CNTNAP4: variants seen among roughly 807,000 people sequenced by gnomAD.
CNTNAP4 encodes the protein contactin-associated protein-like 4.
In CNTNAP4, 98 loss-of-function variants were observed where a neutral mutation model predicts 148.4. The observed-to-expected ratio is 0.66, with a 90% CI of 0.56 to 0.78. The LOEUF is 0.78. Ranked by LOEUF, CNTNAP4 falls within the 30% of genes least tolerant of loss-of-function variation. The probability of loss-of-function intolerance (pLI) is 0.00; values close to 1 mark genes in which losing one functional copy is unlikely to be tolerated. For missense variants in CNTNAP4, 1,935 were observed against 1,565.6 expected (o/e 1.24, Z -3.98); for synonymous variants, 730 against 565.1 (o/e 1.29, Z -4.14).
chr16:76,401,548 G>T (rs1290559283), intron 3 of CNTNAP4, among the ~76,000 whole-genome samples: 1 of 152,002 alleles, frequency 6.6e-6, no homozygotes, highest in Non-Finnish European at 1.5e-5. Flanking sequence ...TCTTTCTCTT[G>T]CCTGATTGCT....
rs35605025 is a variant in CNTNAP4 at position 76,533,677 on chromosome 16, TA to T, written c.2756-1858del. Among the ~76,000 whole-genome samples, 1,333 of 150,354 alleles carry T rather than the reference TA, an allele frequency of 8.9e-3. 16 individuals carry two copies. Among genetic ancestry groups the T allele is most frequent in the African/African-American group, 0.03 (1,218 of 41,004 alleles). On this transcript the variant is annotated intron_variant, in intron 17 of 23. Coordinates refer to ENST00000611870, the MANE Select transcript of CNTNAP4 (RefSeq NM_033401.5). ...AATTGGGCACCCATATTAAAAATCTTAAAAAAAAAATGGCAGAAGTAAATGT... is the reference window on the plus strand; with the variant it reads ...AATTGGGCACCCATATTAAAAATCTTAAAAAAAAATGGCAGAAGTAAATGT...
intron 3 of CNTNAP4, among the ~76,000 whole-genome samples, chr16:76,365,789 G>T (rs895484689): frequency 6.6e-6 from 1 of 150,478 alleles, no homozygotes; most frequent in East Asian, 1.9e-4. Flanking sequence ...AATCATCTGG[G>T]TAATTACTTT....
At chr16:76,469,061 G>T (rs2081278238) in intron 10 of CNTNAP4, among the ~76,000 whole-genome samples, 1 of 152,142 alleles carries the variant, frequency 6.6e-6, no homozygotes, top group East Asian at 1.9e-4. Context: ...ATATCCAATG[G>T]ACCACTCAGT....
At chr16:76,382,252 AG>A (rs2016060099) in intron 3 of CNTNAP4, among the ~76,000 whole-genome samples, 1 of 152,086 alleles carries the variant, frequency 6.6e-6, no homozygotes, top group South Asian at 2.1e-4. Context: ...AAAAAGCAAA[AG>A]TAAAATGGAA....
chr16:76,514,535 T>C (rs1643377403), intron 15 of CNTNAP4, among the ~76,000 whole-genome samples: 1 of 152,220 alleles, frequency 6.6e-6, no homozygotes, highest in Admixed American at 6.5e-5. Context: ...AAAGGAATTT[T>C]CACTTTCCAT....
At chr16:76,289,345 G>C (rs1379025456) in intron 1 of CNTNAP4, among the ~76,000 whole-genome samples, 1 of 151,932 alleles carries the variant, frequency 6.6e-6, no homozygotes, top group Admixed American at 6.6e-5. Context: ...CTTTTGTATT[G>C]GTTTTTATTT....
intron 14 of CNTNAP4, 121 bp downstream of exon 14, chr16:76,495,187 T>C: frequency 9.2e-7 from 1 of 1,082,906 alleles, no homozygotes; most frequent in Non-Finnish European, 1.3e-6. Context: ...TAAATAAAGG[T>C]TTGTTTTAAT....
At chr16:76,361,859 G>A (rs2013481094) in intron 3 of CNTNAP4, among the ~76,000 whole-genome samples, 1 of 152,108 alleles carries the variant, frequency 6.6e-6, no homozygotes, top group African/African-American at 2.4e-5. Context: ...TTAAATGACA[G>A]ATATCCTAAC....
At chr16:76,545,011 G>A (rs948550584) in intron 21 of CNTNAP4, among the ~76,000 whole-genome samples, 6 of 152,130 alleles carry the variant, frequency 3.9e-5, no homozygotes, top group African/African-American at 1.4e-4. Context: ...GACAAAAGGT[G>A]ACCTAGGTAA....
intron 15 of CNTNAP4, among the ~76,000 whole-genome samples, chr16:76,499,418 A>G (rs1455974487): frequency 6.6e-6 from 1 of 152,008 alleles, no homozygotes; most frequent in African/African-American, 2.4e-5. Context: ...TTAAGAATGG[A>G]AAAGGCCTAT....
At chr16:76,480,347 T>C (rs1218955635) in intron 12 of CNTNAP4, among the ~76,000 whole-genome samples, 2 of 152,160 alleles carry the variant, frequency 1.3e-5, no homozygotes, top group African/African-American at 4.8e-5. Context: ...ATATTTTCAA[T>C]AGCATAAAAA....
intron 4 of CNTNAP4, among the ~76,000 whole-genome samples, chr16:76,443,102 A>G (rs2080106773): frequency 6.6e-6 from 1 of 152,094 alleles, no homozygotes; most frequent in Non-Finnish European, 1.5e-5. Context: ...CTCGATAATA[A>G]CCCAATCATT....
chr16:76,490,599 C>T (rs947201771), intron 13 of CNTNAP4, among the ~76,000 whole-genome samples: 9 of 152,172 alleles, frequency 5.9e-5, no homozygotes, highest in African/African-American at 2.2e-4. Context: ...CATCTTCTAA[C>T]CATCCAATGC....
At chr16:76,453,458 T>A (rs2080596727) in intron 8 of CNTNAP4, among the ~76,000 whole-genome samples, 1 of 152,178 alleles carries the variant, frequency 6.6e-6, no homozygotes, top group Non-Finnish European at 1.5e-5. Context: ...GATGTTTTTG[T>A]CTCTTCATTA....
Position 76,356,802 on chromosome 16 carries a change from C to T in CNTNAP4, c.390+1291C>T, listed in dbSNP as rs955063783. Among the ~76,000 whole-genome samples, 28 of 151,876 alleles carry T rather than the reference C, an allele frequency of 1.8e-4. 1 individual carries two copies. Among genetic ancestry groups the T allele is most frequent in the African/African-American group, 6.3e-4 (26 of 41,402 alleles). The stretch of plus-strand genomic sequence containing the variant: ...TGTTTTTTGAAACTTCATAGAACTC[C>T]GTTATACATTATAAACTCATTGAAG... On this transcript the variant is annotated intron_variant, in intron 3 of 23. Transcript: ENST00000611870.
intron 2 of CNTNAP4, among the ~76,000 whole-genome samples, chr16:76,330,025 G>A (rs1191019086): frequency 6.6e-6 from 1 of 152,132 alleles, no homozygotes; most frequent in Non-Finnish European, 1.5e-5. Context: ...TGTGCTAAAG[G>A]AAAAACACAT....
chr16:76,374,731 T>C (rs17699309), intron 3 of CNTNAP4, among the ~76,000 whole-genome samples: 61,681 of 149,262 alleles, frequency 0.41, 13,098 homozygotes, highest in Non-Finnish European at 0.45. Flanking sequence ...AGTATATACT[T>C]GACTATGACA....
intron 4 of CNTNAP4, 135 bp from the exon 5 acceptor site, chr16:76,447,877 C>T (rs1436257694): frequency 1.6e-6 from 1 of 625,822 alleles, no homozygotes; most frequent in Non-Finnish European, 2.8e-6. Context: ...ATAACTCCAT[C>T]ATTAGTTGAG....
chr16:76,349,277 C>T (rs944253733), intron 2 of CNTNAP4, among the ~76,000 whole-genome samples: 2 of 152,116 alleles, frequency 1.3e-5, no homozygotes, highest in African/African-American at 4.8e-5. Context: ...TCCAAATGTC[C>T]TCACAAAATC....
Sources: allele counts gnomAD v4.1 joint callset (sites outside exome capture counted in the v4.1 genomes callset), GRCh38; gene constraint gnomAD v4.1.1; transcripts MANE v1.5; gene names NCBI Gene and HGNC (gene_info 2026-07-23, HGNC 2026-07-21).